MCTP1: variants seen among roughly 807,000 people sequenced by gnomAD.
MCTP1 encodes the protein multiple C2 and transmembrane domain containing 1, also known as multiple C2 and transmembrane domain-containing protein 1.
A neutral mutation model predicts 120.6 loss-of-function variants in MCTP1; 69 were observed. The ratio of observed to expected loss-of-function variants is 0.57; its 90% CI spans 0.47 to 0.70. The LOEUF is 0.70. MCTP1 is among the 30% of genes least tolerant of loss of function. MCTP1 has a pLI of 0.00. For missense variants in MCTP1, 1,203 were observed against 1,248.8 expected (o/e 0.96, Z 0.55); for synonymous variants, 529 against 493.1 (o/e 1.07, Z -0.96).
At chr5:95,102,840 G>T (rs1166303883) in intron 1 of MCTP1, among the ~76,000 whole-genome samples, 1 of 152,210 alleles carries the variant, frequency 6.6e-6, no homozygotes. Context: ...CAATGTGTAG[G>T]TAAGTGTGCA....
chr5:95,055,035 C>T (rs935683272), intron 1 of MCTP1, among the ~76,000 whole-genome samples: 1 of 152,136 alleles, frequency 6.6e-6, no homozygotes, highest in Non-Finnish European at 1.5e-5. Flanking sequence ...TGGTCTCAAA[C>T]TCCTGGTCTC....
chr5:94,785,899 C>T (rs868559701), intron 18 of MCTP1, among the ~76,000 whole-genome samples: 5 of 152,204 alleles, frequency 3.3e-5, no homozygotes, highest in Middle Eastern at 3.4e-3. Context: ...ATTTTGGGAG[C>T]TGCAATAGGC....
chr5:95,092,167 T>TTTG (rs760587749), intron 1 of MCTP1, among the ~76,000 whole-genome samples: 1 of 152,252 alleles, frequency 6.6e-6, no homozygotes, highest in Admixed American at 6.5e-5. Context: ...TATGGTTTTT[T>TTTG]TTGTTGTTGT....
chr5:95,257,467 AAATG>A lies in MCTP1; in HGVS notation c.720+26385_720+26388del, dbSNP rs1758006241. ...TTAAAAAATCCCACAACTCTTTGATAAATGAATGCCTACATTGTTTTTTTAATCT... is the reference window on the plus strand; with the variant it reads ...TTAAAAAATCCCACAACTCTTTGATAAATGCCTACATTGTTTTTTTAATCT... On this transcript the variant is annotated intron_variant, in intron 1 of 22. Coordinates refer to ENST00000515393, the MANE Select transcript of MCTP1 (RefSeq NM_024717.7). Among the ~76,000 whole-genome samples, 2 of 152,236 alleles carry A rather than the reference AAATG, an allele frequency of 1.3e-5. 1 individual carries two copies. The highest frequency in any genetic ancestry group is 4.1e-4 in the South Asian group (2 of 4,838).
At chr5:95,267,780 A>G (rs1759024406) in intron 1 of MCTP1, among the ~76,000 whole-genome samples, 1 of 152,202 alleles carries the variant, frequency 6.6e-6, no homozygotes, top group Admixed American at 6.5e-5. Flanking sequence ...AATCTCCCCA[A>G]GATCTGCAAG....
chr5:95,133,213 A>G (rs73777303), intron 1 of MCTP1, among the ~76,000 whole-genome samples: 2,354 of 152,286 alleles, frequency 0.015, 64 homozygotes, highest in African/African-American at 0.054. Flanking sequence ...CCCTTTATCT[A>G]CAGGGGATAT....
intron 1 of MCTP1, among the ~76,000 whole-genome samples, chr5:95,164,881 T>G (rs1319957448): frequency 6.6e-6 from 1 of 152,138 alleles, no homozygotes; most frequent in Non-Finnish European, 1.5e-5. Flanking sequence ...GAAGACGGCT[T>G]TTCTCTAAGT....
At chr5:95,219,381 C>CAAAAAAA (rs11414984) in intron 1 of MCTP1, among the ~76,000 whole-genome samples, 1 of 85,972 alleles carries the variant, frequency 1.2e-5, no homozygotes, top group African/African-American at 4.9e-5. Flanking sequence ...GACTCCATCT[C>CAAAAAAA]AAAAAAAAAA....
intron 10 of MCTP1, among the ~76,000 whole-genome samples, chr5:94,903,979 A>C (rs536386930): frequency 8.5e-5 from 13 of 152,348 alleles, no homozygotes; most frequent in African/African-American, 2.4e-4. Context: ...AAAGTGTAAC[A>C]ATCATGGGGA....
intron 1 of MCTP1, among the ~76,000 whole-genome samples, chr5:95,264,676 A>G (rs1049835511): frequency 1.3e-5 from 2 of 152,078 alleles, no homozygotes; most frequent in Non-Finnish European, 2.9e-5. Flanking sequence ...GACACACATG[A>G]CCTGTCCAAA....
chr5:94,860,046 A>G (rs1055293798), intron 17 of MCTP1, among the ~76,000 whole-genome samples: 1 of 151,666 alleles, frequency 6.6e-6, no homozygotes, highest in African/African-American at 2.4e-5. Context: ...TATAAAACAT[A>G]ATATATTTAC....
chr5:95,059,571 GA>G (rs969575405), intron 1 of MCTP1, among the ~76,000 whole-genome samples: 11 of 148,174 alleles, frequency 7.4e-5, no homozygotes, highest in Admixed American at 3.3e-4. Context: ...CATGAAAGTT[GA>G]AAAAAAAATG....
chr5:95,185,966 G>A (rs1452408820), intron 1 of MCTP1, among the ~76,000 whole-genome samples: 2 of 151,896 alleles, frequency 1.3e-5, no homozygotes, highest in Admixed American at 6.6e-5. Flanking sequence ...CTCAAGCCTG[G>A]GCAATAGAGA....
At chr5:94,934,618 C>G (rs1815689609) in intron 5 of MCTP1, among the ~76,000 whole-genome samples, 1 of 151,358 alleles carries the variant, frequency 6.6e-6, no homozygotes, top group Non-Finnish European at 1.5e-5. Context: ...GAATTAGATA[C>G]AATAGTAACA....
intron 1 of MCTP1, among the ~76,000 whole-genome samples, chr5:95,114,075 T>A (rs1191475076): frequency 2.0e-5 from 3 of 152,118 alleles, no homozygotes; most frequent in Non-Finnish European, 4.4e-5. Context: ...AAGGAGCCAG[T>A]CCTGGCAAGA....
intron 2 of MCTP1, among the ~76,000 whole-genome samples, chr5:95,015,048 T>A (rs1480928595): frequency 6.6e-6 from 1 of 152,150 alleles, no homozygotes; most frequent in Admixed American, 6.6e-5. Context: ...AAAGTATTTT[T>A]AAAATTAAGG....
At chr5:95,107,955 T>C (rs1757207984) in intron 1 of MCTP1, among the ~76,000 whole-genome samples, 1 of 152,166 alleles carries the variant, frequency 6.6e-6, no homozygotes, top group South Asian at 2.1e-4. Context: ...ACCCATCACC[T>C]AGGTATTAAG....
intron 2 of MCTP1, among the ~76,000 whole-genome samples, chr5:94,996,400 C>T (rs1169455103): frequency 6.6e-6 from 1 of 152,060 alleles, no homozygotes; most frequent in East Asian, 1.9e-4. Context: ...ATTAGGATTC[C>T]TTGAGTAAAA....
At chr5:95,150,121 C>T (rs1760757231) in intron 1 of MCTP1, among the ~76,000 whole-genome samples, 1 of 152,100 alleles carries the variant, frequency 6.6e-6, no homozygotes, top group African/African-American at 2.4e-5. Flanking sequence ...TCATCTTGAA[C>T]CCATTTGTTT....
Sources: gnomAD v4.1 joint callset for allele counts (sites outside exome capture counted in the v4.1 genomes callset) on GRCh38, gnomAD v4.1.1 for gene constraint, MANE v1.5 for transcripts, NCBI Gene and HGNC (gene_info 2026-07-23, HGNC 2026-07-21) for gene names.